The following SPAG16 variants were observed in gnomAD, a reference collection of about 807,000 sequenced individuals.
SPAG16 encodes the protein sperm associated antigen 16.
In SPAG16, 86 loss-of-function variants were observed where a neutral mutation model predicts 80.4. The ratio of observed to expected loss-of-function variants is 1.07; its 90% CI spans 0.90 to 1.28. SPAG16 has a LOEUF of 1.28. Among genes scored for constraint, SPAG16 ranks in the 50% most tolerant of loss-of-function variants. SPAG16 has a pLI of 0.00. For missense variants in SPAG16, 870 were observed against 765.3 expected, an observed-to-expected ratio of 1.14 and a Z score of -1.61; for synonymous variants, 294 against 265.9, an observed-to-expected ratio of 1.11 and a Z score of -1.03.
At chr2:213,645,722 G>A (rs1361628040) in intron 10 of SPAG16, among the ~76,000 whole-genome samples, 1 of 152,146 alleles carries the variant, frequency 6.6e-6, no homozygotes, top group Non-Finnish European at 1.5e-5. Flanking sequence ...GATTAGGGGA[G>A]GGGTGATGCC....
At chr2:213,843,037 T>G (rs1394560488) in intron 10 of SPAG16, among the ~76,000 whole-genome samples, 1 of 152,128 alleles carries the variant, frequency 6.6e-6, no homozygotes, top group African/African-American at 2.4e-5. Flanking sequence ...CCCAAAATGC[T>G]GATTACACTA....
rs544073440 is a variant in SPAG16, at chr2:213,771,244, A to G, written c.1071-91241A>G. 3.9e-5 allele frequency among the ~76,000 whole-genome samples: 6 copies of G among 152,148 alleles called. No homozygotes were observed. The East Asian group carries it at 1.2e-3, about 29-fold the overall frequency. ...GAGTTTTTTTTCGTATGTTTGCTGG[A>G]TGCATGAATGTCTTCTTTTGAAAAG... On this transcript the variant is annotated intron_variant, in intron 10 of 15. Coordinates refer to ENST00000331683, the MANE Select transcript of SPAG16 (RefSeq NM_024532.5).
intron 10 of SPAG16, among the ~76,000 whole-genome samples, chr2:213,817,139 A>G (rs1412349937): frequency 1.3e-5 from 2 of 150,894 alleles, no homozygotes; most frequent in African/African-American, 4.9e-5. Flanking sequence ...AATGTTCCAA[A>G]AATAATTTGT....
At chr2:213,355,478 G>T (rs189341351) in intron 7 of SPAG16, among the ~76,000 whole-genome samples, 1,538 of 152,300 alleles carry the variant, frequency 0.01, 16 homozygotes, top group Non-Finnish European at 0.016. Context: ...TCAAGATATT[G>T]ATTGTTCCTA....
At chr2:214,089,338 C>T (rs1230192628) in intron 13 of SPAG16, among the ~76,000 whole-genome samples, 2 of 152,014 alleles carry the variant, frequency 1.3e-5, no homozygotes, top group African/African-American at 4.8e-5. Flanking sequence ...ACATTATGTA[C>T]CAAAAGCCTT....
intron 10 of SPAG16, among the ~76,000 whole-genome samples, chr2:213,691,088 C>T (rs540685777): frequency 1.3e-5 from 2 of 152,172 alleles, no homozygotes; most frequent in Non-Finnish European, 2.9e-5. Context: ...TTAATACTAT[C>T]ACACTGGCAA....
intron 9 of SPAG16, among the ~76,000 whole-genome samples, chr2:213,377,578 AT>A (rs2066939362): frequency 6.6e-6 from 1 of 152,110 alleles, no homozygotes; most frequent in South Asian, 2.1e-4. Context: ...TGGGCTAGAC[AT>A]TTGCAGTGTG....
intron 1 of SPAG16, among the ~76,000 whole-genome samples, chr2:213,292,452 C>T (rs2062315579): frequency 6.6e-6 from 1 of 151,554 alleles, no homozygotes; most frequent in South Asian, 2.1e-4. Context: ...ATCATGAGGT[C>T]AGGAGATCGA....
Position 213,296,037 on chromosome 2 carries a change from G to T in SPAG16, c.137-27G>T, listed in dbSNP as rs781754667. ...GCAATAATTTTATTCTATATTTTTT[G>T]AGATTAAAACTTGACAAGATATTCA... On this transcript the variant is annotated intron_variant, in intron 1 of 15. Transcript: ENST00000331683. 6.3e-6 allele frequency: 10 copies of T among 1,593,900 alleles called. No homozygotes were observed. The Admixed American group carries it at 1.5e-4, about 24-fold the overall frequency.
intron 13 of SPAG16, among the ~76,000 whole-genome samples, chr2:214,030,727 G>T (rs1176390507): frequency 6.6e-6 from 1 of 152,174 alleles, no homozygotes; most frequent in Non-Finnish European, 1.5e-5. Flanking sequence ...TGTAACAGAT[G>T]CCATTGATAC....
chr2:214,364,280 C>T (rs1397995703), intron 15 of SPAG16, among the ~76,000 whole-genome samples: 2 of 151,982 alleles, frequency 1.3e-5, no homozygotes, highest in Admixed American at 1.3e-4. Context: ...TCATTACCAC[C>T]TTTTGATGTT....
intron 3 of SPAG16, among the ~76,000 whole-genome samples, chr2:213,305,802 T>A (rs1004167428): frequency 6.6e-6 from 1 of 152,162 alleles, no homozygotes; most frequent in East Asian, 1.9e-4. Context: ...ATCAGGAATA[T>A]TGGCCTTTTA....
intron 7 of SPAG16, among the ~76,000 whole-genome samples, chr2:213,356,890 C>T (rs1318195737): frequency 6.6e-6 from 1 of 152,096 alleles, no homozygotes; most frequent in African/African-American, 2.4e-5. Context: ...GTATTTAGTG[C>T]TCTAAATTTT....
At chr2:213,703,190 T>A (rs1559391194) in intron 10 of SPAG16, among the ~76,000 whole-genome samples, 1 of 151,956 alleles carries the variant, frequency 6.6e-6, no homozygotes, top group Non-Finnish European at 1.5e-5. Context: ...GGAGGAAGAG[T>A]GAGATCTAAA....
chr2:213,389,730 AAAAG>A (rs1262701241), intron 9 of SPAG16, among the ~76,000 whole-genome samples: 1 of 152,184 alleles, frequency 6.6e-6, no homozygotes, highest in African/African-American at 2.4e-5. Context: ...ATTAAAAACA[AAAAG>A]AAAGCTGGTG....
intron 14 of SPAG16, among the ~76,000 whole-genome samples, chr2:214,113,976 C>A (rs1365104284): frequency 6.6e-6 from 1 of 152,208 alleles, no homozygotes; most frequent in African/African-American, 2.4e-5. Flanking sequence ...TACCTTTGGA[C>A]TTTGATGTCG....
intron 12 of SPAG16, among the ~76,000 whole-genome samples, chr2:213,977,397 G>A (rs556934747): frequency 5.9e-5 from 9 of 151,918 alleles, no homozygotes; most frequent in African/African-American, 1.9e-4. Context: ...GCTCCTTGAG[G>A]ATATTTCCTC....
At chr2:214,173,700 A>C (rs1452601701) in intron 15 of SPAG16, among the ~76,000 whole-genome samples, 1 of 151,976 alleles carries the variant, frequency 6.6e-6, no homozygotes, top group African/African-American at 2.4e-5. Context: ...ATAGAAAAAG[A>C]GGGAATCCTC....
chr2:214,136,617 A>G (rs947458912), intron 14 of SPAG16, among the ~76,000 whole-genome samples: 10 of 152,186 alleles, frequency 6.6e-5, no homozygotes, highest in African/African-American at 2.2e-4. Flanking sequence ...ACCCAAAATT[A>G]CAAACTTATC....
Sources: allele counts gnomAD v4.1 joint callset (sites outside exome capture counted in the v4.1 genomes callset), GRCh38; gene constraint gnomAD v4.1.1; transcripts MANE v1.5; gene names NCBI Gene and HGNC (gene_info 2026-07-23, HGNC 2026-07-21).